The following SRGAP2 variants were observed in gnomAD, a reference collection of about 807,000 sequenced individuals.
SRGAP2 encodes the protein SLIT-ROBO Rho GTPase-activating protein 2.
In SRGAP2, 15 loss-of-function variants were observed where a neutral mutation model predicts 57.2. The observed-to-expected ratio is 0.26, with a 90% CI of 0.18 to 0.40. SRGAP2 has a LOEUF of 0.40. Ranked by LOEUF, SRGAP2 falls within the 10% of genes least tolerant of loss-of-function variation. SRGAP2 has a pLI of 1.00. For missense variants in SRGAP2, 520 were observed against 669.6 expected, an observed-to-expected ratio of 0.78 and a Z score of 2.47; for synonymous variants, 249 against 248.0, an observed-to-expected ratio of 1.00 and a Z score of -0.04.
chr1:206,428,500 C>T (rs1405211008), intron 13 of SRGAP2, among the ~76,000 whole-genome samples: 2 of 151,082 alleles, frequency 1.3e-5, no homozygotes, highest in Non-Finnish European at 3.0e-5. Context: ...TTGGTATGCA[C>T]ACCTGGCAAT....
In SRGAP2 at chr1:206,454,644, G is replaced by T; in HGVS notation, c.2361-234G>T. 2.0e-6 allele frequency: 1 copy of T among 504,236 alleles called. No homozygotes were observed. 31.2% of individuals were successfully genotyped at this position (504,236 alleles called of 1,614,324 possible). A position where few individuals can be genotyped will look rare whatever the true frequency, so the allele number is the denominator to read the frequency against. On this transcript the variant is annotated intron_variant, in intron 20 of 22. Coordinates refer to ENST00000573034, the MANE Select transcript of SRGAP2 (RefSeq NM_015326.5). This position sits in a 1 kb window ranked among gnomAD's most constrained non-coding sequence, Gnocchi z 4.3. ...TGTCCCCTAGCCACGCTTTCCTGAGGAGCTGAGGAGCCCGCAGAACTCAGC... is the reference window on the plus strand; with the variant it reads ...TGTCCCCTAGCCACGCTTTCCTGAGTAGCTGAGGAGCCCGCAGAACTCAGC...
At chr1:206,411,853 A>C (rs1659252068) in intron 10 of SRGAP2, among the ~76,000 whole-genome samples, 1 of 152,200 alleles carries the variant, frequency 6.6e-6, no homozygotes, top group African/African-American at 2.4e-5. Context: ...TTTTAGCACA[A>C]AGCAAAGATG....
Position 206,461,298 on chromosome 1 carries a change from G to A in SRGAP2, c.3094G>A (p.Ala1032Thr), listed in dbSNP as rs781977173. The A allele has an allele frequency of 3.8e-6, 3 of 780,820 alleles. No homozygotes were observed. The highest frequency in any genetic ancestry group is 3.4e-5 in the African/African-American group (2 of 59,150). 48.4% of individuals were successfully genotyped at this position (780,820 alleles called of 1,614,324 possible). ...GCCTGTCAAGTCTGTCAAGATGGCT[G>A]CCCCGGTCAAACCACCAGCCACACG... ...FRPVKSVKMA[A>T]PVKPPATRPK... Residue 1032 changes from alanine to threonine, a missense_variant, in exon 23 of 23, where the codon GCC (alanine) becomes ACC (threonine). This residue lies in a region of SRGAP2 where 478 missense variants were observed against 373.6 expected (regional missense o/e 1.28). Coordinates refer to ENST00000573034, the MANE Select transcript of SRGAP2 (RefSeq NM_015326.5).
intron 13 of SRGAP2, among the ~76,000 whole-genome samples, chr1:206,422,232 A>G (rs1419022799): frequency 6.6e-6 from 1 of 152,234 alleles, no homozygotes; most frequent in Non-Finnish European, 1.5e-5. Context: ...TCTTCAGCTC[A>G]TCTGACTGCT....
chr1:206,241,784 ATGAGGGTTTTTCT>A (rs1668245605), intron 2 of SRGAP2, among the ~76,000 whole-genome samples: 2 of 151,300 alleles, frequency 1.3e-5, no homozygotes, highest in Non-Finnish European at 2.9e-5. Flanking sequence ...GCTTTGAAAG[ATGAGGGTTTTTCT>A]TGAGGCTAGT....
In SRGAP2 at chr1:206,254,149, G is replaced by A. The variant is rs542354038; in HGVS notation, c.67+48112G>A. On this transcript the variant is annotated intron_variant, in intron 2 of 22. Coordinates refer to ENST00000573034, the MANE Select transcript of SRGAP2 (RefSeq NM_015326.5). ...AGAAGCCTTGCCTAAACCCTAAGCT[G>A]CTTAGCTCACATTCTGTCTTGCTTT... Among the ~76,000 whole-genome samples the A allele has an allele frequency of 5.8e-4, 55 of 94,542 alleles. 3 individuals carry two copies. In the East Asian group the frequency reaches 0.016, roughly 27 times the overall value. The allele number at this position is 94,542 out of a possible 152,430, so 62.0% of individuals were successfully genotyped here.
chr1:206,278,517 T>G (rs1232231690), intron 2 of SRGAP2, among the ~76,000 whole-genome samples: 1 of 142,878 alleles, frequency 7.0e-6, no homozygotes, highest in Non-Finnish European at 1.5e-5. Flanking sequence ...GCCTGGCTAA[T>G]TTTTTAATTT....
At chr1:206,210,196 A>C (rs1444500536) in intron 2 of SRGAP2, among the ~76,000 whole-genome samples, 1 of 148,650 alleles carries the variant, frequency 6.7e-6, no homozygotes, top group Non-Finnish European at 1.5e-5. Flanking sequence ...GGGTGAATAC[A>C]CATGACTGTA....
intron 2 of SRGAP2, among the ~76,000 whole-genome samples, chr1:206,222,105 T>TTGAC (rs1558230426): frequency 7.2e-6 from 1 of 139,178 alleles, no homozygotes; most frequent in Admixed American, 7.2e-5. Context: ...AATCAGGACC[T>TTGAC]TGACATTGAT....
At chr1:206,259,294 T>C (rs1272067501) in intron 2 of SRGAP2, among the ~76,000 whole-genome samples, 1 of 148,792 alleles carries the variant, frequency 6.7e-6, no homozygotes, top group Admixed American at 6.7e-5. Context: ...GGTTGGAACA[T>C]TTGTGGCCTT....
chr1:206,384,497 A>G (rs1227942122), intron 5 of SRGAP2, among the ~76,000 whole-genome samples: 8 of 151,932 alleles, frequency 5.3e-5, no homozygotes, highest in African/African-American at 1.9e-4. Flanking sequence ...GGATTGATGT[A>G]TGGCTTTGAG....
chr1:206,449,570 C>T (rs1553375130), intron 18 of SRGAP2, among the ~76,000 whole-genome samples: 2 of 151,762 alleles, frequency 1.3e-5, no homozygotes, highest in Non-Finnish European at 2.9e-5. Flanking sequence ...AGCCATTGTG[C>T]CTGACCTACC....
chr1:206,410,033 G>A (rs12091996), intron 10 of SRGAP2, among the ~76,000 whole-genome samples: 137 of 151,974 alleles, frequency 9.0e-4, no homozygotes, highest in African/African-American at 3.2e-3. Context: ...CCCGGGAAGC[G>A]GAGGTTGCAG....
At chr1:206,248,823 TG>T (rs2102576751) in intron 2 of SRGAP2, among the ~76,000 whole-genome samples, 1 of 150,152 alleles carries the variant, frequency 6.7e-6, no homozygotes, top group South Asian at 2.2e-4. Context: ...TCACTGCTGT[TG>T]CCCTGGGTCC....
chr1:206,374,340 C>T (rs1409311457), intron 4 of SRGAP2, among the ~76,000 whole-genome samples: 1 of 146,528 alleles, frequency 6.8e-6, no homozygotes, highest in Non-Finnish European at 1.5e-5. Flanking sequence ...TTCAAGTGTA[C>T]GTGGAACATT....
chr1:206,411,062 A>G (rs781935589), intron 10 of SRGAP2, among the ~76,000 whole-genome samples: 13 of 152,116 alleles, frequency 8.5e-5, no homozygotes, highest in African/African-American at 1.9e-4. Flanking sequence ...GGGTTTCACT[A>G]TGTTGGCCAG....
intron 16 of SRGAP2, among the ~76,000 whole-genome samples, chr1:206,438,449 A>G (rs1371770207): frequency 6.6e-6 from 1 of 152,218 alleles, no homozygotes; most frequent in South Asian, 2.1e-4. Flanking sequence ...GGGGAAAAGC[A>G]TAAGCGTTGC....
At chr1:206,239,341 T>C (rs533322205) in intron 2 of SRGAP2, among the ~76,000 whole-genome samples, 4,932 of 149,940 alleles carry the variant, frequency 0.033, 260 homozygotes, top group African/African-American at 0.12. Context: ...GGGAAAGAGA[T>C]AGCAGTTGGA....
intron 2 of SRGAP2, among the ~76,000 whole-genome samples, chr1:206,270,339 T>C (rs1445507079): frequency 0.041 from 2,425 of 59,354 alleles, 231 homozygotes; most frequent in African/African-American, 0.18. Flanking sequence ...CAAATTAAAT[T>C]GCAAGTACAG....
Sources: allele counts gnomAD v4.1 joint callset (sites outside exome capture counted in the v4.1 genomes callset), GRCh38; gene constraint gnomAD v4.1.1; regional missense constraint gnomAD v4.1.1; non-coding constraint Gnocchi (gnomAD v3.1); transcripts MANE v1.5; gene names NCBI Gene and HGNC (gene_info 2026-07-23, HGNC 2026-07-21).